PABPC4L: variants seen among roughly 807,000 people sequenced by gnomAD.
The protein encoded by PABPC4L is polyadenylate-binding protein 4-like.
For synonymous variants in PABPC4L, 169 were observed against 164.1 expected (o/e 1.03, Z -0.23); for missense variants, 452 against 451.4 (o/e 1.00, Z -0.01).
chr4:133,952,049 C>T, the PABPC4L span, among the ~76,000 whole-genome samples: 28 of 152,246 alleles, frequency 1.8e-4, no homozygotes, highest in African/African-American at 6.5e-4. Context: ...TCACAATCCC[C>T]TTTCCCTTAG....
the PABPC4L span, among the ~76,000 whole-genome samples, chr4:134,104,428 T>C: frequency 6.6e-6 from 1 of 151,690 alleles, no homozygotes; most frequent in Admixed American, 6.6e-5. Context: ...TCAGGTCCCA[T>C]CCACCACCTA....
the PABPC4L span, among the ~76,000 whole-genome samples, chr4:133,961,975 A>C: frequency 6.6e-6 from 1 of 152,176 alleles, no homozygotes; most frequent in African/African-American, 2.4e-5. Flanking sequence ...CAGGTCACAG[A>C]ACAAGGGGCT....
chr4:134,182,208 A>T, the PABPC4L span, among the ~76,000 whole-genome samples: 1 of 152,074 alleles, frequency 6.6e-6, no homozygotes, highest in Non-Finnish European at 1.5e-5. Flanking sequence ...CCAACTTCAA[A>T]CTATACTACA....
the PABPC4L span, among the ~76,000 whole-genome samples, chr4:134,057,437 G>A: frequency 3.3e-5 from 5 of 152,032 alleles, no homozygotes; most frequent in African/African-American, 1.2e-4. Flanking sequence ...TGTTCACTAG[G>A]CCTCATCTAG....
chr4:134,037,900 C>A, the PABPC4L span, among the ~76,000 whole-genome samples: 2 of 151,978 alleles, frequency 1.3e-5, no homozygotes, highest in African/African-American at 4.8e-5. Context: ...TGCCTTATGC[C>A]GGTTGTCAAA....
At chr4:134,004,952 G>A in the PABPC4L span, among the ~76,000 whole-genome samples, 603 of 151,880 alleles carry the variant, frequency 4.0e-3, 6 homozygotes, top group African/African-American at 0.014. Context: ...TACTCAAGGC[G>A]GCAGTGAGAC....
At chr4:134,108,488 A>T in the PABPC4L span, among the ~76,000 whole-genome samples, 28 of 151,938 alleles carry the variant, frequency 1.8e-4, no homozygotes, top group Non-Finnish European at 3.8e-4. Flanking sequence ...CATAGCTGGC[A>T]TCTGACCAAT....
At chr4:134,130,645 A>G in the PABPC4L span, among the ~76,000 whole-genome samples, 3 of 152,120 alleles carry the variant, frequency 2.0e-5, no homozygotes, top group Non-Finnish European at 4.4e-5. Flanking sequence ...TACAAAACAT[A>G]GAGAAATAAA....
At chr4:134,011,094 T>G in the PABPC4L span, among the ~76,000 whole-genome samples, 9 of 152,184 alleles carry the variant, frequency 5.9e-5, no homozygotes, top group African/African-American at 1.2e-4. Flanking sequence ...TAAATTTTAA[T>G]GAGTGTTGTA....
chr4:134,045,455 G>C, the PABPC4L span, among the ~76,000 whole-genome samples: 1 of 152,142 alleles, frequency 6.6e-6, no homozygotes, highest in Non-Finnish European at 1.5e-5. Flanking sequence ...TTTGCACTCA[G>C]TGTCATAAAA....
chr4:134,041,229 T>C, the PABPC4L span, among the ~76,000 whole-genome samples: 1 of 152,144 alleles, frequency 6.6e-6, no homozygotes, highest in African/African-American at 2.4e-5. Flanking sequence ...ACTGGGTATA[T>C]ACCCAAAGGA....
chr4:134,110,647 T>C, the PABPC4L span, among the ~76,000 whole-genome samples: 1 of 151,506 alleles, frequency 6.6e-6, no homozygotes, highest in Non-Finnish European at 1.5e-5. Flanking sequence ...GGACCTTCTG[T>C]GGATACCAAA....
the PABPC4L span, among the ~76,000 whole-genome samples, chr4:134,176,303 G>A: frequency 6.6e-6 from 1 of 151,890 alleles, no homozygotes; most frequent in Non-Finnish European, 1.5e-5. Flanking sequence ...ATAGAAATAA[G>A]TTATGTCTAC....
chr4:134,071,636 G>A, the PABPC4L span, among the ~76,000 whole-genome samples: 1 of 152,024 alleles, frequency 6.6e-6, no homozygotes, highest in African/African-American at 2.4e-5. Context: ...ATGAGGCTGA[G>A]GTAGTTTGAA....
chr4:133,950,213 A>T, the PABPC4L span, among the ~76,000 whole-genome samples: 1 of 152,202 alleles, frequency 6.6e-6, no homozygotes, highest in African/African-American at 2.4e-5. Flanking sequence ...AATTTGTCTT[A>T]AAATGATTTT....
chr4:134,001,717 A>G, the PABPC4L span, among the ~76,000 whole-genome samples: 1 of 152,154 alleles, frequency 6.6e-6, no homozygotes, highest in Non-Finnish European at 1.5e-5. Context: ...ATTAAAATAC[A>G]CATACATACT....
At chr4:133,988,777 C>T in the PABPC4L span, among the ~76,000 whole-genome samples, 1 of 152,308 alleles carries the variant, frequency 6.6e-6, no homozygotes, top group Non-Finnish European at 1.5e-5. Context: ...GGTGCACCAA[C>T]CCCACATTTC....
the PABPC4L span, among the ~76,000 whole-genome samples, chr4:133,991,551 C>G: frequency 2.1e-4 from 32 of 152,286 alleles, no homozygotes; most frequent in Admixed American, 2.0e-3. Flanking sequence ...TTGTTAGACA[C>G]ATTTCTGGCC....
At chr4:134,112,565 C>A in the PABPC4L span, among the ~76,000 whole-genome samples, 2 of 141,590 alleles carry the variant, frequency 1.4e-5, no homozygotes, top group Non-Finnish European at 3.1e-5. Flanking sequence ...CTATGCTCCA[C>A]GTAACTATCT....
Sources: allele counts gnomAD v4.1 joint callset (sites outside exome capture counted in the v4.1 genomes callset), GRCh38; gene constraint gnomAD v4.1.1; transcripts MANE v1.5; gene names NCBI Gene and HGNC (gene_info 2026-07-23, HGNC 2026-07-21).